COL6A5: variants seen among roughly 807,000 people sequenced by gnomAD.
COL6A5 encodes collagen type VI alpha 5 chain.
Under a neutral mutation model 65.6 loss-of-function variants are expected in COL6A5, and 48 were observed. That is an observed-to-expected ratio of 0.73 (90% confidence interval 0.58 to 0.93). The LOEUF (loss-of-function observed/expected upper bound fraction) is 0.93, where lower values mean the gene tolerates loss of function less well. Ranked by LOEUF, COL6A5 falls within the 40% of genes least tolerant of loss-of-function variation. The pLI is 0.00. For missense variants in COL6A5, 914 were observed against 928.3 expected, an observed-to-expected ratio of 0.98 and a Z score of 0.20; for synonymous variants, 291 against 322.8, an observed-to-expected ratio of 0.90 and a Z score of 1.05.
chr3:130,482,795 C>A (rs566366628), intron 7 of COL6A5, among the ~76,000 whole-genome samples: 208 of 152,276 alleles, frequency 1.4e-3, no homozygotes, highest in Non-Finnish European at 2.7e-3. Context: ...GTATCTTTTT[C>A]TCTTTGTAGC....
rs138548286 is a variant in COL6A5 at position 130,481,675 on chromosome 3, G to A, written c.2329-2360G>A. 4.0e-3 allele frequency among the ~76,000 whole-genome samples: 616 copies of A among 152,174 alleles called. 5 individuals are homozygous for A. The highest frequency in any genetic ancestry group is 0.014 in the African/African-American group (572 of 41,514). On this transcript the variant is annotated intron_variant, in intron 7 of 7. Coordinates refer to ENST00000512836, the Ensembl canonical transcript of COL6A5. Reference sequence around the variant, plus strand: ...ACACTCCCACCAACAGTGTAAAAGCGTCCCTATTTCTCCACATCCTCACCA... The same window carrying A: ...ACACTCCCACCAACAGTGTAAAAGCATCCCTATTTCTCCACATCCTCACCA...
intron 1 of COL6A5, among the ~76,000 whole-genome samples, chr3:130,367,855 A>G (rs965322724): frequency 1.3e-5 from 2 of 152,238 alleles, no homozygotes; most frequent in Admixed American, 1.3e-4. Flanking sequence ...TTCTTATTTT[A>G]GGTAAGGACT....
chr3:130,381,044 G>A (rs1160572625), intron 4 of COL6A5, among the ~76,000 whole-genome samples: 1 of 152,064 alleles, frequency 6.6e-6, no homozygotes, highest in Admixed American at 6.6e-5. Flanking sequence ...AAAGGGCCAG[G>A]CCTCTTCACC....
chr3:130,468,843 C>G (rs771333641), exon 6 of COL6A5: 53 of 1,611,136 alleles, frequency 3.3e-5, no homozygotes, highest in Non-Finnish European at 4.5e-5. Flanking sequence ...ACTTATGAAC[C>G]TGGAGATGTC....
chr3:130,484,315 G>T, exon 8 of COL6A5: 1 of 492,048 alleles, frequency 2.0e-6, no homozygotes, highest in Non-Finnish European at 3.6e-6. Flanking sequence ...ACCTATAAGA[G>T]TTAACTTTTC....
intron 7 of COL6A5, 149 bp from the exon 40 acceptor site, chr3:130,471,533 C>A (rs1709952740): frequency 1.4e-6 from 1 of 717,818 alleles, no homozygotes; most frequent in Non-Finnish European, 2.2e-6. Context: ...GAAAATTGCA[C>A]AAGTCAAATT....
At chr3:130,397,733 C>T (rs1487544614) in exon 9 of COL6A5, 2 of 1,551,670 alleles carry the variant, frequency 1.3e-6, no homozygotes, top group Non-Finnish European at 8.7e-7. Flanking sequence ...GGGGCTGGCA[C>T]AGAGGCACAG....
At chr3:130,391,032 T>C (rs1010516999) in intron 6 of COL6A5, 147 bp from the exon 7 acceptor site, 1 of 648,462 alleles carries the variant, frequency 1.5e-6, no homozygotes, top group Non-Finnish European at 2.7e-6. Context: ...TTCTGTAAAA[T>C]GGCAGCAGCC....
chr3:130,443,292 C>T (rs750847263), intron 3 of COL6A5, among the ~76,000 whole-genome samples, 184 bp from the exon 36 acceptor site: 3 of 152,108 alleles, frequency 2.0e-5, no homozygotes, highest in Non-Finnish European at 4.4e-5. Flanking sequence ...GCTGCTAAAA[C>T]ACTCTGAAAT....
intron 1 of COL6A5, among the ~76,000 whole-genome samples, chr3:130,357,071 C>T (rs1357069551): frequency 6.6e-6 from 1 of 151,920 alleles, no homozygotes; most frequent in Non-Finnish European, 1.5e-5. Flanking sequence ...TCACAGTAAA[C>T]AGTATAATTT....
At chr3:130,471,579 A>G (rs1022924284) in intron 7 of COL6A5, 103 bp from the exon 40 acceptor site, 10 of 1,072,236 alleles carry the variant, frequency 9.3e-6, no homozygotes, top group Non-Finnish European at 1.0e-5. Context: ...TTCCAATCAC[A>G]TACATAAAAT....
At chr3:130,395,373 A>C in exon 8 of COL6A5, 6 of 1,547,576 alleles carry the variant, frequency 3.9e-6, no homozygotes, top group Non-Finnish European at 4.4e-6. Flanking sequence ...AATTCTGAAA[A>C]AATAATCACT....
At chr3:130,447,487 G>C (rs1709335928) in intron 4 of COL6A5, among the ~76,000 whole-genome samples, 1 of 152,144 alleles carries the variant, frequency 6.6e-6, no homozygotes, top group Admixed American at 6.6e-5. Context: ...GAACTCCTGA[G>C]CTTCTTGGAT....
At chr3:130,384,840 T>A (rs1480465365) in exon 5 of COL6A5, 1 of 1,549,832 alleles carries the variant, frequency 6.5e-7, no homozygotes, top group Admixed American at 2.0e-5. Context: ...ATCCACTTCC[T>A]CATTGATGGC....
At chr3:130,473,220 C>CT (rs1327084645) in intron 7 of COL6A5, among the ~76,000 whole-genome samples, 1 of 151,920 alleles carries the variant, frequency 6.6e-6, no homozygotes, top group Non-Finnish European at 1.5e-5. Context: ...AAGCAACTAC[C>CT]TGAGGGCTCT....
rs993968504 is a variant in COL6A5, at chr3:130,345,729, G to A, written c.-281G>A. The A allele has an allele frequency of 4.3e-5, 17 of 398,752 alleles. No individual in the cohort carries two copies. In the East Asian group the frequency reaches 5.3e-4, roughly 13 times the overall value. 24.7% of individuals were successfully genotyped at this position (398,752 alleles called of 1,614,324 possible). ...GCCCCAGGGAAGAGCCAGGCCAAGG[G>A]CACGGGTCAGCGCCGGCTTAAAAGA... is the stretch of plus-strand genomic sequence containing the variant. On this transcript the variant is annotated 5_prime_UTR_variant and NMD_transcript_variant, in exon 1 of 42. Coordinates refer to the COL6A5 transcript ENST00000312481.
At chr3:130,476,946 G>A in intron 7 of COL6A5, 2 of 748,184 alleles carry the variant, frequency 2.7e-6, no homozygotes, top group Admixed American at 4.0e-5. Flanking sequence ...GCCAATCTGA[G>A]TCTCTTCAGA....
chr3:130,371,551 T>C (rs2107632972), intron 1 of COL6A5, among the ~76,000 whole-genome samples: 1 of 151,972 alleles, frequency 6.6e-6, no homozygotes, highest in Admixed American at 6.5e-5. Context: ...TTGATGAGGG[T>C]GTGAAGACAA....
At chr3:130,439,960 C>T (rs939874054) in intron 2 of COL6A5, among the ~76,000 whole-genome samples, 1 of 152,180 alleles carries the variant, frequency 6.6e-6, no homozygotes, top group Non-Finnish European at 1.5e-5. Flanking sequence ...CTGCTTTCAA[C>T]AAAGCCCTTC....
Sources: allele counts gnomAD v4.1 joint callset (sites outside exome capture counted in the v4.1 genomes callset), GRCh38; gene constraint gnomAD v4.1.1; transcripts MANE v1.5; gene names NCBI Gene and HGNC (gene_info 2026-07-23, HGNC 2026-07-21).